The following NECAB1 variants were observed in gnomAD, a reference collection of about 807,000 sequenced individuals.
NECAB1 encodes the protein N-terminal EF-hand calcium binding protein 1.
NECAB1 carries 29 observed loss-of-function variants against 57.5 expected under a neutral mutation model. That is an observed-to-expected ratio of 0.50 (90% confidence interval 0.38 to 0.69). The LOEUF (loss-of-function observed/expected upper bound fraction) is 0.69, where lower values mean the gene tolerates loss of function less well. Ranked by LOEUF, NECAB1 falls within the 30% of genes least tolerant of loss-of-function variation. The pLI is 0.00. For synonymous variants in NECAB1, 142 were observed against 147.7 expected, an observed-to-expected ratio of 0.96 and a Z score of 0.28; for missense variants, 372 against 413.8, an observed-to-expected ratio of 0.90 and a Z score of 0.88.
At position 90,957,648 on chromosome 8, in the gene NECAB1, T is replaced by C. The variant is rs1270278044; in HGVS notation, c.*2136T>C. On this transcript the variant is annotated 3_prime_UTR_variant, in exon 13 of 13. Transcript: ENST00000417640. ...ACATACACATATATACTGGAACCTA[T>C]AGTAGAAAAGGAAACTAGTAGGGCC... 7.7e-6 allele frequency: 1 copy of C among 129,152 alleles called. No individual in the cohort carries two copies. The highest frequency in any genetic ancestry group is 2.9e-5 in the African/African-American group (1 of 34,340). 8.0% of individuals were successfully genotyped at this position (129,152 alleles called of 1,614,324 possible).
chr8:90,841,268 TAAAAAA>T (rs144396332), intron 3 of NECAB1, among the ~76,000 whole-genome samples: 2 of 140,408 alleles, frequency 1.4e-5, no homozygotes, highest in African/African-American at 5.0e-5. Context: ...TCAAAAAAAA[TAAAAAA>T]AAAAAAGGGA....
At chr8:90,938,181 T>G (rs559549809) in intron 9 of NECAB1, among the ~76,000 whole-genome samples, 1 of 152,286 alleles carries the variant, frequency 6.6e-6, no homozygotes, top group Non-Finnish European at 1.5e-5. Flanking sequence ...GCAAATACTA[T>G]CCTGTGAACT....
intron 8 of NECAB1, among the ~76,000 whole-genome samples, chr8:90,929,574 C>G (rs79257127): frequency 1.3e-5 from 2 of 152,216 alleles, no homozygotes; most frequent in East Asian, 3.9e-4. Flanking sequence ...ATTCTGCTTC[C>G]CAGAAGGAAG....
At chr8:90,887,214 G>GT (rs2129921879) in intron 5 of NECAB1, among the ~76,000 whole-genome samples, 2 of 152,206 alleles carry the variant, frequency 1.3e-5, no homozygotes, top group South Asian at 4.1e-4. Context: ...TGACCAGTCT[G>GT]TATATAGTCT....
At chr8:90,871,008 CTT>C (rs1266714673) in intron 3 of NECAB1, among the ~76,000 whole-genome samples, 6 of 152,106 alleles carry the variant, frequency 3.9e-5, no homozygotes, top group Non-Finnish European at 7.4e-5. Context: ...TTTAAAATAA[CTT>C]TTAAAAATGA....
intron 3 of NECAB1, among the ~76,000 whole-genome samples, chr8:90,856,337 A>T (rs1812793848): frequency 6.6e-6 from 1 of 152,172 alleles, no homozygotes; most frequent in Non-Finnish European, 1.5e-5. Context: ...AAAAAAGTGT[A>T]TTTAATTTCT....
intron 10 of NECAB1, among the ~76,000 whole-genome samples, chr8:90,946,810 T>C (rs983602638): frequency 4.6e-5 from 7 of 152,182 alleles, no homozygotes; most frequent in Admixed American, 6.5e-5. Context: ...CACATGGTCA[T>C]TGCTGGCCAC....
intron 6 of NECAB1, 89 bp from the exon 7 acceptor site, chr8:90,925,446 C>A: frequency 1.4e-6 from 2 of 1,459,492 alleles, no homozygotes; most frequent in South Asian, 2.5e-5. Context: ...CACTAGAAAA[C>A]CTTTATGACT....
chr8:90,947,411 T>C (rs1238610863), intron 10 of NECAB1, among the ~76,000 whole-genome samples: 1 of 151,060 alleles, frequency 6.6e-6, no homozygotes, highest in East Asian at 1.9e-4. Context: ...TTTTTCTTTT[T>C]TTTTTTTCAG....
chr8:90,950,592 G>A (rs927819059), intron 11 of NECAB1, among the ~76,000 whole-genome samples: 2 of 152,090 alleles, frequency 1.3e-5, no homozygotes, highest in Non-Finnish European at 2.9e-5. Context: ...AGAATACCTG[G>A]AAATTCAGTT....
At chr8:90,918,347 GAGA>G (rs776281093) in intron 6 of NECAB1, among the ~76,000 whole-genome samples, 1 of 151,752 alleles carries the variant, frequency 6.6e-6, no homozygotes, top group Non-Finnish European at 1.5e-5. Flanking sequence ...TTAGTAGATG[GAGA>G]AGACTTTAAA....
intron 3 of NECAB1, among the ~76,000 whole-genome samples, chr8:90,834,338 A>T (rs536520448): frequency 1.2e-4 from 19 of 152,258 alleles, no homozygotes; most frequent in African/African-American, 4.6e-4. Context: ...TTGGAAATTT[A>T]TATGTTGAAA....
chr8:90,833,784 A>G (rs927173469), intron 3 of NECAB1, among the ~76,000 whole-genome samples: 3 of 152,060 alleles, frequency 2.0e-5, no homozygotes, highest in South Asian at 4.1e-4. Flanking sequence ...TCCATTTCCA[A>G]TGCCCCAACC....
At chr8:90,874,857 G>T (rs1449940358) in intron 4 of NECAB1, among the ~76,000 whole-genome samples, 1 of 151,958 alleles carries the variant, frequency 6.6e-6, no homozygotes, top group African/African-American at 2.4e-5. Context: ...CTCAATCAAG[G>T]CTTCTCTAAG....
intron 3 of NECAB1, among the ~76,000 whole-genome samples, chr8:90,849,639 G>A (rs1241272498): frequency 6.7e-6 from 1 of 149,230 alleles, no homozygotes; most frequent in Non-Finnish European, 1.5e-5. Context: ...TATTATTATA[G>A]CAGAAGACCT....
intron 6 of NECAB1, among the ~76,000 whole-genome samples, chr8:90,924,115 C>G (rs1810199986): frequency 6.6e-6 from 1 of 152,094 alleles, no homozygotes; most frequent in South Asian, 2.1e-4. Flanking sequence ...GAGAGAAAAA[C>G]CAGGCCATAT....
At chr8:90,817,934 G>T (rs1021271962) in intron 2 of NECAB1, among the ~76,000 whole-genome samples, 2 of 151,652 alleles carry the variant, frequency 1.3e-5, no homozygotes, top group African/African-American at 4.8e-5. Context: ...AAACCATTTG[G>T]TCTGTGCTTT....
At chr8:90,915,783 C>T (rs1809937093) in intron 5 of NECAB1, among the ~76,000 whole-genome samples, 1 of 152,162 alleles carries the variant, frequency 6.6e-6, no homozygotes, top group South Asian at 2.1e-4. Flanking sequence ...CAGTCTGTGG[C>T]CAAAGGCCTG....
intron 2 of NECAB1, among the ~76,000 whole-genome samples, chr8:90,804,360 CG>C (rs972910172): frequency 1.3e-5 from 2 of 150,312 alleles, no homozygotes; most frequent in African/African-American, 2.5e-5. Context: ...GCTACAGAGG[CG>C]GGGGAGTGAA....
Sources: gnomAD v4.1 joint callset for allele counts (sites outside exome capture counted in the v4.1 genomes callset) on GRCh38, gnomAD v4.1.1 for gene constraint, MANE v1.5 for transcripts, NCBI Gene and HGNC (gene_info 2026-07-23, HGNC 2026-07-21) for gene names.